Variants in UVSSA observed in about 807,000 individuals in gnomAD.
The protein encoded by UVSSA is UV-stimulated scaffold protein A.
In UVSSA, 72 loss-of-function variants were observed where a neutral mutation model predicts 73.9. That is an observed-to-expected ratio of 0.97 (90% CI 0.81 to 1.19). The LOEUF is 1.19. Among genes scored for constraint, UVSSA ranks in the 50% most tolerant of loss-of-function variants. UVSSA has a pLI of 0.00. For missense variants in UVSSA, 1,150 were observed against 965.0 expected, an observed-to-expected ratio of 1.19 and a Z score of -2.54; for synonymous variants, 454 against 391.3, an observed-to-expected ratio of 1.16 and a Z score of -1.89.
intron 7 of UVSSA, among the ~76,000 whole-genome samples, chr4:1,363,136 G>GTTT (rs1716875995): frequency 6.6e-6 from 1 of 151,768 alleles, no homozygotes; most frequent in Admixed American, 6.6e-5. Context: ...CTCAGTAGTT[G>GTTT]CAAGCTGAAG....
At chr4:1,381,035 C>A in intron 12 of UVSSA, 47 bp downstream of exon 12, 1 of 1,564,336 alleles carries the variant, frequency 6.4e-7, no homozygotes, top group Non-Finnish European at 8.7e-7. Context: ...GCCTGGGACT[C>A]ACTGCCACTA....
intron 7 of UVSSA, among the ~76,000 whole-genome samples, chr4:1,360,071 C>G (rs1223310555): frequency 6.6e-6 from 1 of 152,248 alleles, no homozygotes; most frequent in Non-Finnish European, 1.5e-5. Context: ...GCTGGGAAAC[C>G]TTGTACCGCC....
intron 13 of UVSSA, chr4:1,385,190 T>A (rs1719969661): frequency 6.6e-6 from 1 of 152,294 alleles, no homozygotes; most frequent in African/African-American, 2.4e-5. Flanking sequence ...CCCAGACCCC[T>A]CCCTACAGAA....
upstream of UVSSA, among the ~76,000 whole-genome samples, chr4:1,345,630 G>A (rs1028426692): frequency 8.6e-6 from 1 of 116,184 alleles, no homozygotes; most frequent in African/African-American, 3.7e-5. Flanking sequence ...GGGTGACAAA[G>A]CGAGACTTTG....
At chr4:1,378,012 G>A (rs562615206) in intron 10 of UVSSA, among the ~76,000 whole-genome samples, 7 of 152,342 alleles carry the variant, frequency 4.6e-5, no homozygotes, top group South Asian at 4.1e-4. Flanking sequence ...CTCCTGGCTG[G>A]CCCCTAGCCA....
At chr4:1,364,450 G>T (rs1234302633) in intron 7 of UVSSA, among the ~76,000 whole-genome samples, 1 of 152,218 alleles carries the variant, frequency 6.6e-6, no homozygotes, top group Non-Finnish European at 1.5e-5. Flanking sequence ...GAACATGTGG[G>T]CTCCCGCCCT....
At chr4:1,371,456 C>T (rs1045179061) in intron 8 of UVSSA, among the ~76,000 whole-genome samples, 1 of 152,068 alleles carries the variant, frequency 6.6e-6, no homozygotes, top group African/African-American at 2.4e-5. Context: ...TTCGTCAGTT[C>T]CGCGTGTGTG....
chr4:1,355,944 A>T (rs1299984445), intron 7 of UVSSA, among the ~76,000 whole-genome samples: 2 of 151,980 alleles, frequency 1.3e-5, no homozygotes, highest in East Asian at 3.9e-4. Flanking sequence ...ATGGAATGGA[A>T]ATCTGGGCCT....
At chr4:1,349,099 T>TAC (rs372080243) in intron 2 of UVSSA, among the ~76,000 whole-genome samples, 2 of 151,594 alleles carry the variant, frequency 1.3e-5, no homozygotes, top group Non-Finnish European at 2.9e-5. Context: ...CCGGGCGGTG[T>TAC]GTGTTGCGCT....
rs1000668987 is a variant in UVSSA, at chr4:1,379,358, T to C, written c.1569-689T>C. Among the ~76,000 whole-genome samples, 12 of 152,182 alleles carry C rather than the reference T, an allele frequency of 7.9e-5. 2 individuals are homozygous for C. Among genetic ancestry groups the C allele is most frequent in the East Asian group, 3.9e-4 (2 of 5,172 alleles). On this transcript the variant is annotated intron_variant, in intron 10 of 13. Transcript: ENST00000389851. ...CCTGGGCATCCAGGTGGGCAGGGGG[T>C]GGAGTCCTCTGAGGCCGGCCTCCTC...
Position 1,366,337 on chromosome 4 carries a change from T to C in UVSSA, c.1194T>C (p.Asp398=). Residue 398 remains aspartate, a synonymous_variant, in exon 8 of 14, where the codon GAT becomes GAC. Transcript: ENST00000389851. ...TTCCACAGACAGAAGCCCTGGGGGA[T>C]GCGGAGGAAGATGAGGACGATGAGG... ...GERRRTEALG[D]AEEDEDDEDF... 6.2e-7 allele frequency: 1 copy of C among 1,612,578 alleles called. No individual in the cohort carries two copies.
At chr4:1,375,594 G>T in intron 9 of UVSSA, 86 bp downstream of exon 9, 2 of 1,526,434 alleles carry the variant, frequency 1.3e-6, no homozygotes, top group African/African-American at 1.4e-5. Context: ...TCGAGAGGCT[G>T]CTTAGTGCCT....
chr4:1,344,735 C>T (rs954861901), upstream of UVSSA, among the ~76,000 whole-genome samples: 18 of 152,138 alleles, frequency 1.2e-4, no homozygotes, highest in Non-Finnish European at 5.9e-5. Context: ...CCTAGTAAGA[C>T]AGTAAGTCTG....
intron 12 of UVSSA, among the ~76,000 whole-genome samples, chr4:1,383,404 C>A (rs1374634400): frequency 6.6e-6 from 1 of 152,218 alleles, no homozygotes; most frequent in Non-Finnish European, 1.5e-5. Context: ...CACCCCCCAA[C>A]CGCTGGCCTT....
upstream of UVSSA, among the ~76,000 whole-genome samples, chr4:1,346,949 G>A (rs889488133): frequency 1.3e-5 from 2 of 152,238 alleles, no homozygotes; most frequent in Non-Finnish European, 2.9e-5. Context: ...TCACCGCGCA[G>A]ACCTCGGCCG....
chr4:1,376,233 C>T, intron 10 of UVSSA, 65 bp downstream of exon 10: 5 of 1,515,114 alleles, frequency 3.3e-6, no homozygotes, highest in South Asian at 2.6e-5. Context: ...GAGGAGGGGG[C>T]TGCCGGCTCA....
rs570018419 is a variant in UVSSA, at chr4:1,368,022, C to T, written c.1288+1591C>T. On this transcript the variant is annotated intron_variant, in intron 8 of 13. Transcript: ENST00000389851. Reference sequence around the variant, plus strand: ...TGGCTCTTGGCCGCCCTCAGGTGGACCAGGCCGTGGGTCCAGCCCCCGGAG... The same window carrying T: ...TGGCTCTTGGCCGCCCTCAGGTGGATCAGGCCGTGGGTCCAGCCCCCGGAG... Among the ~76,000 whole-genome samples, 34 of 152,380 alleles carry T rather than the reference C, an allele frequency of 2.2e-4. 1 individual carries two copies. The highest frequency in any genetic ancestry group is 5.9e-4 in the Admixed American group (9 of 15,312).
In UVSSA at chr4:1,375,363, G is replaced by A; in HGVS notation, c.1289-1G>A. ...AGGGAGTGGACACGTGTCTGTTTCA[G>A]GGCTGGAGGCAGCACCAGAGAAAGA... On this transcript the variant is annotated splice_acceptor_variant, in intron 8 of 13. Transcript: ENST00000389851. LOFTEE classifies it high-confidence loss of function. The A allele has an allele frequency of 6.2e-7, 1 of 1,613,316 alleles. No individual in the cohort carries two copies. The highest frequency in any genetic ancestry group is 8.5e-7 in the Non-Finnish European group (1 of 1,179,840).
chr4:1,356,604 G>C (rs1449512707), intron 7 of UVSSA: 1 of 152,266 alleles, frequency 6.6e-6, no homozygotes, highest in Non-Finnish European at 1.5e-5. Context: ...GAGGAAGATG[G>C]TGAGTGCCGT....
Sources: allele counts gnomAD v4.1 joint callset (sites outside exome capture counted in the v4.1 genomes callset), GRCh38; gene constraint gnomAD v4.1.1; transcripts MANE v1.5; gene names NCBI Gene and HGNC (gene_info 2026-07-23, HGNC 2026-07-21).